CD44: variants seen among roughly 807,000 people sequenced by gnomAD.
The protein encoded by CD44 is CD44 molecule (IN blood group).
CD44 carries 49 observed loss-of-function variants against 88.8 expected under a neutral mutation model. That is an observed-to-expected ratio of 0.55 (90% CI 0.44 to 0.70). The LOEUF (loss-of-function observed/expected upper bound fraction) is 0.70. Among genes scored for constraint, CD44 ranks in the 30% least tolerant of loss-of-function variants. CD44 has a pLI of 0.00. For synonymous variants in CD44, 325 were observed against 312.3 expected (o/e 1.04, Z -0.43); for missense variants, 883 against 913.8 (o/e 0.97, Z 0.43).
chr11:35,140,919 G>A (rs897403368), intron 1 of CD44, among the ~76,000 whole-genome samples: 1 of 151,950 alleles, frequency 6.6e-6, no homozygotes, highest in Admixed American at 6.6e-5. Context: ...TGCTTGGGAC[G>A]CTGAGGCAGG....
chr11:35,180,125 A>G, intron 2 of CD44, 149 bp from the exon 3 acceptor site: 1 of 664,252 alleles, frequency 1.5e-6, no homozygotes, highest in South Asian at 2.1e-5. Flanking sequence ...TTATTTTTGG[A>G]TTTCAAATAA....
At chr11:35,184,161 G>A (rs532087342) in intron 3 of CD44, among the ~76,000 whole-genome samples, 2 of 152,258 alleles carry the variant, frequency 1.3e-5, no homozygotes, top group East Asian at 1.9e-4. Flanking sequence ...CCTGGAATCC[G>A]ACATGAGAGC....
At chr11:35,185,806 T>C (rs1179443720) in intron 3 of CD44, among the ~76,000 whole-genome samples, 1 of 152,226 alleles carries the variant, frequency 6.6e-6, no homozygotes, top group Admixed American at 6.5e-5. Flanking sequence ...ATACAAGGTA[T>C]AGTCACAGAA....
intron 1 of CD44, among the ~76,000 whole-genome samples, chr11:35,174,826 C>A (rs1244981258): frequency 6.6e-6 from 1 of 152,190 alleles, no homozygotes; most frequent in Non-Finnish European, 1.5e-5. Context: ...ACTTGTTGAG[C>A]ATCTACTTTC....
intron 1 of CD44, 90 bp from the exon 2 acceptor site, chr11:35,176,485 A>G (rs4756195): frequency 0.74 from 939,093 of 1,265,274 alleles, 351,621 homozygotes; most frequent in South Asian, 0.92. Context: ...GCCTTATTTG[A>G]CTTTTTAAGG....
rs1211493108 is a variant in CD44, at chr11:35,195,597, A to G, written c.668-1149A>G. Among the ~76,000 whole-genome samples the G allele has an allele frequency of 2.6e-5, 4 of 151,624 alleles. 1 individual carries two copies. The highest frequency in any genetic ancestry group is 2.6e-4 in the Admixed American group (4 of 15,214). Reference sequence around the variant, plus strand: ...AAAAAAAAATCTAACTCACCTTACTATTTTGTTTGGGGATGATGGTTTCAG... The same window carrying G: ...AAAAAAAAATCTAACTCACCTTACTGTTTTGTTTGGGGATGATGGTTTCAG... On this transcript the variant is annotated intron_variant, in intron 5 of 17. Coordinates refer to ENST00000428726, the MANE Select transcript of CD44 (RefSeq NM_000610.4).
intron 17 of CD44, among the ~76,000 whole-genome samples, chr11:35,224,476 CATGTGCAGTGGCTCACTTT>C (rs1329662546): frequency 6.6e-6 from 1 of 152,114 alleles, no homozygotes; most frequent in East Asian, 1.9e-4. Flanking sequence ...TGGCTCACTC[CATGTGCAGTGGCTCACTTT>C]GGGAGGCCGA....
chr11:35,151,525 T>C (rs1860321010), intron 1 of CD44, among the ~76,000 whole-genome samples: 1 of 152,194 alleles, frequency 6.6e-6, no homozygotes, highest in African/African-American at 2.4e-5. Flanking sequence ...ACATTTCCCA[T>C]TGACTCCTAG....
chr11:35,189,706 C>T (rs978246801), intron 4 of CD44, 129 bp from the exon 5 acceptor site: 12 of 678,696 alleles, frequency 1.8e-5, no homozygotes, highest in Admixed American at 9.2e-5. Flanking sequence ...GCCACTCTCT[C>T]CCACCACTGG....
Position 35,201,090 on chromosome 11 carries a change from A to C in CD44, c.931A>C (p.Thr311Pro), listed in dbSNP as rs1235903286. ...EDFISSTIST[T>P]PRAFDHTKQN... ...AATCATCGTTATCACAGTTTCAACC[A>C]CACCACGGGCTTTTGACCACACAAA... Residue 311 changes from threonine (T) to proline (P), a missense_variant, in exon 8 of 18, where the codon ACA (threonine) becomes CCA (proline). By Grantham distance (38) the Thr-to-Pro change is conservative. Coordinates refer to ENST00000428726, the MANE Select transcript of CD44 (RefSeq NM_000610.4). 1 of 1,613,272 alleles carries C rather than the reference A, an allele frequency of 6.2e-7. No individual in the cohort carries two copies. Among genetic ancestry groups the C allele is most frequent in the South Asian group, 1.1e-5 (1 of 91,072 alleles).
At chr11:35,228,765 C>T (rs1003291595) in intron 17 of CD44, among the ~76,000 whole-genome samples, 2 of 152,146 alleles carry the variant, frequency 1.3e-5, no homozygotes, top group African/African-American at 4.8e-5. Context: ...TGCAGAGAAG[C>T]CCCTGAGGGG....
At chr11:35,171,564 C>T (rs1943889366) in intron 1 of CD44, among the ~76,000 whole-genome samples, 2 of 152,236 alleles carry the variant, frequency 1.3e-5, no homozygotes, top group South Asian at 2.1e-4. Context: ...CACATACAAC[C>T]ACACACTCAC....
At chr11:35,166,646 A>G (rs1224076183) in intron 1 of CD44, among the ~76,000 whole-genome samples, 3 of 152,198 alleles carry the variant, frequency 2.0e-5, no homozygotes, top group Admixed American at 6.5e-5. Flanking sequence ...GGCTCCACGG[A>G]AAAAAGGCAG....
chr11:35,191,279 A>G (rs993137172), intron 5 of CD44, among the ~76,000 whole-genome samples: 4 of 152,152 alleles, frequency 2.6e-5, no homozygotes, highest in Non-Finnish European at 5.9e-5. Flanking sequence ...CTTGCGCAAT[A>G]GTGTTTTAAA....
intron 1 of CD44, among the ~76,000 whole-genome samples, chr11:35,142,859 T>G (rs979855542): frequency 6.6e-6 from 1 of 152,166 alleles, no homozygotes; most frequent in Admixed American, 6.5e-5. Flanking sequence ...CCTGACTCAT[T>G]GTCATAGACT....
chr11:35,155,475 C>T (rs917404239), intron 1 of CD44, among the ~76,000 whole-genome samples: 5 of 152,148 alleles, frequency 3.3e-5, no homozygotes, highest in African/African-American at 1.2e-4. Flanking sequence ...AGACATGCCT[C>T]ATGGGTAGAG....
intron 5 of CD44, among the ~76,000 whole-genome samples, chr11:35,195,578 A>G (rs939170986): frequency 2.6e-5 from 4 of 152,072 alleles, no homozygotes; most frequent in Admixed American, 1.3e-4. Flanking sequence ...GCTGAAAAAA[A>G]AATCTAACTC....
At chr11:35,141,644 T>A (rs1184540015) in intron 1 of CD44, among the ~76,000 whole-genome samples, 3 of 152,196 alleles carry the variant, frequency 2.0e-5, no homozygotes. Flanking sequence ...TCCTAACCCT[T>A]GAGGTTCTCC....
At chr11:35,145,868 C>T (rs1321811054) in intron 1 of CD44, among the ~76,000 whole-genome samples, 3 of 152,186 alleles carry the variant, frequency 2.0e-5, no homozygotes. Flanking sequence ...ATAGCTTCTT[C>T]GGGGGCAAAT....
Sources: allele counts gnomAD v4.1 joint callset (sites outside exome capture counted in the v4.1 genomes callset), GRCh38; gene constraint gnomAD v4.1.1; transcripts MANE v1.5; gene names NCBI Gene and HGNC (gene_info 2026-07-23, HGNC 2026-07-21).